The following LIPH variants were observed in gnomAD, a reference collection of about 807,000 sequenced individuals.
LIPH encodes the protein lipase member H.
A neutral mutation model predicts 47.6 loss-of-function variants in LIPH; 32 were observed. The observed-to-expected ratio is 0.67, with a 90% CI of 0.51 to 0.90. LIPH has a LOEUF of 0.90. Ranked by LOEUF, LIPH falls within the 40% of genes least tolerant of loss-of-function variation. The probability of loss-of-function intolerance (pLI) is 0.00; values close to 1 mark genes in which losing one functional copy is unlikely to be tolerated. For synonymous variants in LIPH, 190 were observed against 195.6 expected (o/e 0.97, Z 0.24); for missense variants, 497 against 541.4 (o/e 0.92, Z 0.81).
intron 7 of LIPH, among the ~76,000 whole-genome samples, chr3:185,515,527 T>TA (rs1719703904): frequency 6.6e-6 from 1 of 151,350 alleles, no homozygotes; most frequent in African/African-American, 2.4e-5. Context: ...TTTTTTTTTT[T>TA]TAAAAGAATC....
At chr3:185,536,901 T>C (rs1720519414) in intron 1 of LIPH, among the ~76,000 whole-genome samples, 1 of 152,206 alleles carries the variant, frequency 6.6e-6, no homozygotes. Flanking sequence ...ACTTATTTAT[T>C]TGATATGGAG....
chr3:185,552,278 A>G (rs1721072511), intron 1 of LIPH, 145 bp downstream of exon 1: 2 of 536,028 alleles, frequency 3.7e-6, no homozygotes, highest in African/African-American at 2.0e-5. Flanking sequence ...TAAGGAAATG[A>G]TACAGGCTTC....
At chr3:185,527,823 C>T (rs1388647475) in intron 3 of LIPH, among the ~76,000 whole-genome samples, 1 of 149,264 alleles carries the variant, frequency 6.7e-6, no homozygotes, top group African/African-American at 2.5e-5. Context: ...CCATCAGGGG[C>T]ATGTGTCATG....
At chr3:185,513,983 T>C (rs943414897) in intron 8 of LIPH, among the ~76,000 whole-genome samples, 2 of 152,188 alleles carry the variant, frequency 1.3e-5, no homozygotes, top group Non-Finnish European at 2.9e-5. Context: ...GAGGTTGCAG[T>C]GAGCTGAGAT....
intron 1 of LIPH, among the ~76,000 whole-genome samples, chr3:185,550,731 G>A (rs964547619): frequency 6.6e-6 from 1 of 152,006 alleles, no homozygotes; most frequent in African/African-American, 2.4e-5. Flanking sequence ...CACCAGGCCT[G>A]GCTAATTTTG....
intron 9 of LIPH, among the ~76,000 whole-genome samples, chr3:185,509,413 G>A (rs1719485248): frequency 6.6e-6 from 1 of 152,196 alleles, no homozygotes; most frequent in African/African-American, 2.4e-5. Flanking sequence ...TGGATCACCT[G>A]AGGCCAGGAG....
chr3:185,514,108 A>G (rs905518000), intron 8 of LIPH, among the ~76,000 whole-genome samples: 2 of 152,146 alleles, frequency 1.3e-5, no homozygotes, highest in South Asian at 4.1e-4. Context: ...CAAAGGAAGT[A>G]AGGAGGAGAG....
At chr3:185,511,373 T>C in intron 9 of LIPH, 151 bp downstream of exon 9, 2 of 772,332 alleles carry the variant, frequency 2.6e-6, no homozygotes, top group South Asian at 3.0e-5. Context: ...CCTGGGCTAC[T>C]TGTTTATAAT....
intron 5 of LIPH, among the ~76,000 whole-genome samples, chr3:185,523,847 C>T (rs572135736): frequency 6.6e-6 from 1 of 152,042 alleles, no homozygotes; most frequent in African/African-American, 2.4e-5. Context: ...CTCAGCCTCC[C>T]GAGTAGCTGG....
At chr3:185,512,821 C>T (rs572382249) in intron 8 of LIPH, among the ~76,000 whole-genome samples, 11 of 152,082 alleles carry the variant, frequency 7.2e-5, no homozygotes, top group South Asian at 4.2e-4. Flanking sequence ...ATGGGGTAAT[C>T]GTGACGAGGT....
At chr3:185,542,327 T>G (rs1720739415) in intron 1 of LIPH, among the ~76,000 whole-genome samples, 1 of 151,978 alleles carries the variant, frequency 6.6e-6, no homozygotes, top group African/African-American at 2.4e-5. Context: ...TTTTTTCTTT[T>G]TTTTTTTGAG....
At chr3:185,536,580 T>G (rs924349755) in intron 1 of LIPH, among the ~76,000 whole-genome samples, 1 of 152,120 alleles carries the variant, frequency 6.6e-6, no homozygotes, top group Non-Finnish European at 1.5e-5. Context: ...GTCTGTTCAG[T>G]TATGCATTTA....
rs796497732 is a variant in LIPH, at chr3:185,529,978, G to GAAAGAAAGAA, written c.527-2394_527-2393insTTCTTTCTTT. On this transcript the variant is annotated intron_variant, in intron 3 of 9. Coordinates refer to ENST00000296252, the MANE Select transcript of LIPH (RefSeq NM_139248.3). ...AGAAAGAAAGAAGGAAAGAAAGAAAGAGAGAGAGAGAGAAAATAAGCAGTG... is the reference window on the plus strand; with the variant it reads ...AGAAAGAAAGAAGGAAAGAAAGAAAGAAAGAAAGAAAGAGAGAGAGAGAAAATAAGCAGTG... Among the ~76,000 whole-genome samples, 388 of 98,994 alleles carry GAAAGAAAGAA rather than the reference G, an allele frequency of 3.9e-3. 13 individuals carry two copies. The highest frequency in any genetic ancestry group is 7.7e-3 in the East Asian group (27 of 3,490). The allele number at this position is 98,994 out of a possible 152,430, so 64.9% of individuals were successfully genotyped here. A position where few individuals can be genotyped will look rare whatever the true frequency, so the allele number is the denominator to read the frequency against.
At chr3:185,514,975 C>A (rs1415782464) in intron 7 of LIPH, among the ~76,000 whole-genome samples, 1 of 152,154 alleles carries the variant, frequency 6.6e-6, no homozygotes, top group East Asian at 1.9e-4. Context: ...ACTCCCTGCA[C>A]TGTGAAGGCT....
intron 1 of LIPH, among the ~76,000 whole-genome samples, chr3:185,550,845 G>A (rs1327891141): frequency 1.3e-5 from 2 of 152,056 alleles, no homozygotes; most frequent in South Asian, 2.1e-4. Flanking sequence ...TGGGATTATA[G>A]GCATGAGCCA....
In LIPH at chr3:185,511,717, C is replaced by T; in HGVS notation, c.1095-20G>A. On this transcript the variant is annotated intron_variant, in intron 8 of 9. Transcript: ENST00000296252. ...GGTTCACTGGAAGGAAGAAGTAATA[C>T]TGAAAAATGGATAAAGACTACTAAT... 2 of 1,575,390 alleles carry T rather than the reference C, an allele frequency of 1.3e-6. No individual in the cohort carries two copies. Among genetic ancestry groups the T allele is most frequent in the South Asian group, 1.1e-5 (1 of 90,438 alleles).
Position 185,507,315 on chromosome 3 carries a change from T to C in LIPH, c.*1475A>G, listed in dbSNP as rs1719408431. ...TGAACCTGGGAGGTGGAGGTTGCAG[T>C]GAGCTGAGATCGTACCATTGCACTC... On this transcript the variant is annotated 3_prime_UTR_variant, in exon 10 of 10. Coordinates refer to ENST00000296252, the MANE Select transcript of LIPH (RefSeq NM_139248.3). 6.7e-6 allele frequency: 1 copy of C among 149,562 alleles called. No homozygotes were observed. Among genetic ancestry groups the C allele is most frequent in the Non-Finnish European group, 1.5e-5 (1 of 67,726 alleles). The allele number at this position is 149,562 out of a possible 1,614,324, so 9.3% of individuals were successfully genotyped here. A position where few individuals can be genotyped will look rare whatever the true frequency, so the allele number is the denominator to read the frequency against.
intron 4 of LIPH, among the ~76,000 whole-genome samples, chr3:185,526,219 A>G (rs1174225788): frequency 6.6e-6 from 1 of 151,820 alleles, no homozygotes; most frequent in Non-Finnish European, 1.5e-5. Context: ...GATAAATTTA[A>G]AAATTAAAAA....
chr3:185,529,907 AAAG>A (rs1252028086), intron 3 of LIPH, among the ~76,000 whole-genome samples: 8 of 16,946 alleles, frequency 4.7e-4, no homozygotes, highest in South Asian at 5.1e-3. Context: ...GAGAGAAAGA[AAAG>A]AAAGAAAGAA....
Sources: allele counts gnomAD v4.1 joint callset (sites outside exome capture counted in the v4.1 genomes callset), GRCh38; gene constraint gnomAD v4.1.1; transcripts MANE v1.5; gene names NCBI Gene and HGNC (gene_info 2026-07-23, HGNC 2026-07-21).